The following MMUT variants were observed in gnomAD, a reference collection of about 807,000 sequenced individuals.
MMUT encodes methylmalonyl-CoA mutase.
MMUT carries 79 observed loss-of-function variants against 79.9 expected under a neutral mutation model. The ratio of observed to expected loss-of-function variants is 0.99; its 90% confidence interval spans 0.82 to 1.19. MMUT has a LOEUF of 1.19. MMUT is among the 50% of genes most tolerant of loss of function. The pLI is 0.00. For synonymous variants in MMUT, 273 were observed against 295.7 expected (o/e 0.92, Z 0.79); for missense variants, 860 against 917.2 (o/e 0.94, Z 0.81).
At chr6:49,452,671 T>C (rs1353436362) in intron 5 of MMUT, among the ~76,000 whole-genome samples, 3 of 152,160 alleles carry the variant, frequency 2.0e-5, no homozygotes, top group African/African-American at 7.2e-5. Context: ...TTTTATTTCA[T>C]ACAGAGTATA....
chr6:49,455,837 C>G (rs867147763), intron 4 of MMUT, among the ~76,000 whole-genome samples: 1 of 152,114 alleles, frequency 6.6e-6, no homozygotes, highest in Non-Finnish European at 1.5e-5. Flanking sequence ...AAATGTGGAA[C>G]TTAATTGTGT....
At chr6:49,458,093 G>C in intron 2 of MMUT, 35 bp from the exon 3 acceptor site, 1 of 1,592,938 alleles carries the variant, frequency 6.3e-7, no homozygotes, top group East Asian at 2.2e-5. Context: ...TAAGATTCAA[G>C]AGTCTGGAAT....
Position 49,457,861 on chromosome 6 carries a change from C to G in MMUT, c.583G>C (p.Val195Leu). The G allele has an allele frequency of 6.2e-7, 1 of 1,613,852 alleles. No homozygotes were observed. Among genetic ancestry groups the G allele is most frequent in the Non-Finnish European group, 8.5e-7 (1 of 1,179,804 alleles). Residue 195 changes from valine to leucine, a missense_variant, in exon 3 of 13, where the codon GTT becomes CTT. Transcript: ENST00000274813. ...CCAGTTACTATAAAATTTGCAAGAA[C>G]TGGAATAACTGCTCCATTCATAGTC... The part of the protein sequence containing the change: ...SMTMNGAVIP[V>L]LANFIVTGEE...
chr6:49,445,186 A>G (rs1182176967), intron 8 of MMUT, among the ~76,000 whole-genome samples: 1 of 152,170 alleles, frequency 6.6e-6, no homozygotes, highest in Non-Finnish European at 1.5e-5. Flanking sequence ...TTTCCTTTAG[A>G]TAAATAACAA....
In MMUT at chr6:49,439,098, T is replaced by C. The variant is rs563201048; in HGVS notation, c.1956+1108A>G. Among the ~76,000 whole-genome samples, 382 of 152,244 alleles carry C rather than the reference T, an allele frequency of 2.5e-3. 1 individual carries two copies. Among genetic ancestry groups the C allele is most frequent in the African/African-American group, 8.6e-3 (357 of 41,540 alleles). ...GCTACTTTCTCATGTAACTTACTTG[T>C]GCCTTCAGGACCTGCTCAAGCTGGA... On this transcript the variant is annotated intron_variant, in intron 11 of 12. Coordinates refer to ENST00000274813, the MANE Select transcript of MMUT (RefSeq NM_000255.4).
chr6:49,436,370 C>T (rs897382617), intron 11 of MMUT, among the ~76,000 whole-genome samples: 1 of 152,058 alleles, frequency 6.6e-6, no homozygotes, highest in Non-Finnish European at 1.5e-5. Flanking sequence ...CTTTGGGAGG[C>T]AGAGGCGGGT....
chr6:49,453,702 C>T lies in MMUT; in HGVS notation c.966G>A (p.Met322Ile). The T allele has an allele frequency of 1.2e-6, 2 of 1,613,408 alleles. No homozygotes were observed. The highest frequency in any genetic ancestry group is 1.7e-6 in the Non-Finnish European group (2 of 1,179,612). ...GMNFYMEIAK[M>I]RAGRRLWAHL... ...GAGCCCAGAGTCTTCTACCAGCTCT[C>T]ATCTTTGCTATTTCCATATAGAAAT... is the stretch of plus-strand genomic sequence containing the variant. The change falls in exon 5 of 13, where the codon ATG (methionine) becomes ATA (isoleucine). Residue 322 changes from methionine to isoleucine, a missense_variant. By Grantham distance (10) the Met-to-Ile change is conservative (BLOSUM62 1). Transcript: ENST00000274813.
intron 12 of MMUT, 76 bp downstream of exon 12, chr6:49,435,380 A>G: frequency 7.1e-7 from 1 of 1,400,392 alleles, no homozygotes; most frequent in Non-Finnish European, 1.0e-6. Flanking sequence ...CTACAAGTTT[A>G]TCTTTAGAAC....
intron 11 of MMUT, 82 bp from the exon 12 acceptor site, chr6:49,435,705 T>A: frequency 7.0e-7 from 1 of 1,434,832 alleles, no homozygotes; most frequent in Non-Finnish European, 9.5e-7. Context: ...ATCTAGGCAA[T>A]ACCATTCAGA....
chr6:49,458,650 A>G (rs1054267658), intron 2 of MMUT, among the ~76,000 whole-genome samples: 5 of 152,240 alleles, frequency 3.3e-5, no homozygotes, highest in Non-Finnish European at 5.9e-5. Context: ...GAAAGAAGAA[A>G]TAATAGTTAA....
rs1255038482 is a variant in MMUT at position 49,453,623 on chromosome 6, C to T, written c.1045G>A (p.Ala349Thr). Residue 349 changes from alanine (A) to threonine (T), a missense_variant, in exon 5 of 13, where the codon GCA becomes ACA. Transcript: ENST00000274813. Reference protein sequence around the residue: ...PKNSKSLLLRAHCQTSGWSLT... With the variant: ...PKNSKSLLLRTHCQTSGWSLT... ...GACCATCCAGATGTCTGACAGTGTG[C>T]TCTTAGAAGAAGAGATTTTGAGTTT... The T allele has an allele frequency of 6.2e-7, 1 of 1,612,616 alleles. No individual in the cohort carries two copies. The highest frequency in any genetic ancestry group is 1.3e-5 in the African/African-American group (1 of 74,858).
rs938550904 is a variant in MMUT, at chr6:49,430,577, T to G, written c.*1151A>C. 2 of 151,880 alleles carry G rather than the reference T, an allele frequency of 1.3e-5. No homozygotes were observed. The highest frequency in any genetic ancestry group is 2.9e-5 in the Non-Finnish European group (2 of 67,986). The allele number at this position is 151,880 out of a possible 1,614,324, so 9.4% of individuals were successfully genotyped here. A position where few individuals can be genotyped will look rare whatever the true frequency, so the allele number is the denominator to read the frequency against. ...ATTCAGATAATCATATTCTGAAAAT[T>G]AAATACATTGTATTACAATGAGTTT... On this transcript the variant is annotated 3_prime_UTR_variant, in exon 13 of 13. Coordinates refer to ENST00000274813, the MANE Select transcript of MMUT (RefSeq NM_000255.4).
intron 3 of MMUT, among the ~76,000 whole-genome samples, chr6:49,456,478 GAATTTAT>G (rs1158961206): frequency 1.3e-5 from 2 of 152,128 alleles, no homozygotes; most frequent in Non-Finnish European, 2.9e-5. Context: ...TGGTGGACAA[GAATTTAT>G]ACTAACCATT....
intron 11 of MMUT, among the ~76,000 whole-genome samples, chr6:49,437,405 T>C (rs1360531743): frequency 6.6e-6 from 1 of 151,892 alleles, no homozygotes; most frequent in Non-Finnish European, 1.5e-5. Context: ...CACTACCATA[T>C]AGAAAAAATA....
At chr6:49,445,132 G>GA (rs1006204395) in intron 8 of MMUT, among the ~76,000 whole-genome samples, 1 of 151,224 alleles carries the variant, frequency 6.6e-6, no homozygotes, top group East Asian at 1.9e-4. Context: ...ATAGTGACAA[G>GA]AAAAAAAATC....
At chr6:49,435,093 CTG>C (rs1367576116) in intron 12 of MMUT, among the ~76,000 whole-genome samples, 1 of 152,174 alleles carries the variant, frequency 6.6e-6, no homozygotes, top group Non-Finnish European at 1.5e-5. Flanking sequence ...GATATATTCA[CTG>C]TGTATTTACT....
chr6:49,458,116 ATTTACT>A lies in MMUT; in HGVS notation c.386-64_386-59del, dbSNP rs1767741852. ...AAGAGTCTGGAATCAAGGTAAAATG[ATTTACT>A]TTTAACACTACTAAAAATGTTGATT... On this transcript the variant is annotated intron_variant, in intron 2 of 12. Coordinates refer to ENST00000274813, the MANE Select transcript of MMUT (RefSeq NM_000255.4). 3.9e-6 allele frequency: 6 copies of A among 1,540,872 alleles called. No individual in the cohort carries two copies. In the East Asian group the frequency reaches 9.2e-5, roughly 24 times the overall value.
chr6:49,462,826 G>A (rs1322251910), intron 1 of MMUT, among the ~76,000 whole-genome samples: 1 of 152,164 alleles, frequency 6.6e-6, no homozygotes, highest in Non-Finnish European at 1.5e-5. Flanking sequence ...AGTGGCCAAA[G>A]AAGATACCGA....
At position 49,441,795 on chromosome 6, in the gene MMUT, T is replaced by C. The variant is rs541084959; in HGVS notation, c.1808+45A>G. 2.5e-6 allele frequency: 4 copies of C among 1,599,818 alleles called. No individual in the cohort carries two copies. In the African/African-American group the frequency reaches 4.0e-5, roughly 16 times the overall value. Reference sequence around the variant, plus strand: ...CCCAGTAGATTCAAGGGGATTGTGCTAACAGAAAAGATGAAATTCTGGCCT... The same window carrying C: ...CCCAGTAGATTCAAGGGGATTGTGCCAACAGAAAAGATGAAATTCTGGCCT... On this transcript the variant is annotated intron_variant, in intron 10 of 12. Coordinates refer to ENST00000274813, the MANE Select transcript of MMUT (RefSeq NM_000255.4).
Sources: gnomAD v4.1 joint callset for allele counts (sites outside exome capture counted in the v4.1 genomes callset) on GRCh38, gnomAD v4.1.1 for gene constraint, MANE v1.5 for transcripts, NCBI Gene and HGNC (gene_info 2026-07-23, HGNC 2026-07-21) for gene names.